The following LIMS1 variants were observed in gnomAD, a reference collection of about 807,000 sequenced individuals.
LIMS1 encodes the protein LIM zinc finger domain containing 1, also known as LIM and senescent cell antigen-like-containing domain protein 1.
LIMS1 carries 18 observed loss-of-function variants against 44.1 expected under a neutral mutation model. That is an observed-to-expected ratio of 0.41 (90% confidence interval 0.28 to 0.61). The LOEUF is 0.61. LIMS1 is among the 20% of genes least tolerant of loss of function. The pLI is 0.32. For missense variants in LIMS1, 201 were observed against 422.0 expected (o/e 0.48, Z 4.59); for synonymous variants, 93 against 149.1 (o/e 0.62, Z 2.74).
At chr2:108,604,164 T>G (rs1435795836) in intron 1 of LIMS1, among the ~76,000 whole-genome samples, 1 of 152,216 alleles carries the variant, frequency 6.6e-6, no homozygotes, top group Non-Finnish European at 1.5e-5. Context: ...TATTTATTTC[T>G]AGTTTTATTC....
intron 1 of LIMS1, among the ~76,000 whole-genome samples, chr2:108,579,915 A>C (rs1287214441): frequency 6.6e-6 from 1 of 152,240 alleles, no homozygotes; most frequent in African/African-American, 2.4e-5. Flanking sequence ...AAGAGGCACC[A>C]GGCCAGGAGG....
rs941554668 is a variant in LIMS1, at chr2:108,566,248, C to T, written c.32+31654C>T. On this transcript the variant is annotated intron_variant, in intron 1 of 9. Coordinates refer to ENST00000544547, the Ensembl canonical transcript of LIMS1. ...GTATTAAATGTGGTTCCTGGCATATCACGCAGAGCAGTGCAAGACTCAGTA... is the reference window on the plus strand; with the variant it reads ...GTATTAAATGTGGTTCCTGGCATATTACGCAGAGCAGTGCAAGACTCAGTA... Among the ~76,000 whole-genome samples the T allele has an allele frequency of 4.6e-5, 7 of 152,120 alleles. No individual in the cohort carries two copies. The South Asian group carries it at 1.5e-3, about 32-fold the overall frequency.
At chr2:108,680,427 C>T (rs1238917775) in intron 8 of LIMS1, among the ~76,000 whole-genome samples, 1 of 148,308 alleles carries the variant, frequency 6.7e-6, no homozygotes, top group African/African-American at 2.5e-5. Context: ...GTCCCAGCTA[C>T]TCAGGAGGCT....
At chr2:108,668,194 T>C (rs1255521570) in intron 2 of LIMS1, among the ~76,000 whole-genome samples, 1 of 152,348 alleles carries the variant, frequency 6.6e-6, no homozygotes, top group Admixed American at 6.5e-5. Context: ...ATAATTTCTT[T>C]GTCGTAAGAA....
At chr2:108,582,434 G>C (rs1685921810) in intron 1 of LIMS1, among the ~76,000 whole-genome samples, 1 of 152,164 alleles carries the variant, frequency 6.6e-6, no homozygotes, top group Non-Finnish European at 1.5e-5. Flanking sequence ...GAACCTAACT[G>C]TGTTTAGGTT....
intron 1 of LIMS1, among the ~76,000 whole-genome samples, chr2:108,595,823 T>TA (rs1573399397): frequency 6.6e-6 from 1 of 152,238 alleles, no homozygotes; most frequent in East Asian, 1.9e-4. Flanking sequence ...TTTATTGTGG[T>TA]AAAAAACACA....
At chr2:108,614,104 C>G (rs997635628) in intron 1 of LIMS1, among the ~76,000 whole-genome samples, 4 of 152,184 alleles carry the variant, frequency 2.6e-5, no homozygotes, top group Non-Finnish European at 5.9e-5. Context: ...ACCAGGCACC[C>G]TTCTGTGTTG....
intron 1 of LIMS1, among the ~76,000 whole-genome samples, chr2:108,566,244 A>G (rs780896203): frequency 6.6e-6 from 1 of 152,166 alleles, no homozygotes; most frequent in Non-Finnish European, 1.5e-5. Flanking sequence ...GGTTCCTGGC[A>G]TATCACGCAG....
intron 5 of LIMS1, among the ~76,000 whole-genome samples, 187 bp from the exon 6 acceptor site, chr2:108,675,691 G>C (rs1215369607): frequency 6.6e-6 from 1 of 152,128 alleles, no homozygotes; most frequent in Non-Finnish European, 1.5e-5. Context: ...CAGATGTTTT[G>C]GTAGGAGTCT....
At chr2:108,645,423 C>T (rs1324967910) in intron 1 of LIMS1, among the ~76,000 whole-genome samples, 1 of 152,078 alleles carries the variant, frequency 6.6e-6, no homozygotes, top group South Asian at 2.1e-4. Flanking sequence ...AAATAAAATC[C>T]GTCACAGACA....
Position 108,686,651 on chromosome 2 carries a change from T to C in LIMS1, c.*2652T>C, listed in dbSNP as rs377196072. 134 of 150,376 alleles carry C rather than the reference T, an allele frequency of 8.9e-4. No homozygotes were observed. The East Asian group carries it at 0.013, about 14-fold the overall frequency. The allele number at this position is 150,376 out of a possible 1,614,324, so 9.3% of individuals were successfully genotyped here. The stretch of plus-strand genomic sequence containing the variant: ...ATTAGCCAGGCGTGGTGGCGGGCGC[T>C]TGTAGTCCCAGCTACTCGGGAGGCT... On this transcript the variant is annotated 3_prime_UTR_variant, in exon 10 of 10. Coordinates refer to ENST00000544547, the Ensembl canonical transcript of LIMS1.
At chr2:108,629,571 G>A (rs962739000) in intron 1 of LIMS1, among the ~76,000 whole-genome samples, 1 of 152,198 alleles carries the variant, frequency 6.6e-6, no homozygotes, top group Non-Finnish European at 1.5e-5. Context: ...GGTGTGGGTG[G>A]TTACTGTGTT....
At chr2:108,582,154 T>G (rs142918603) in intron 1 of LIMS1, among the ~76,000 whole-genome samples, 1 of 152,378 alleles carries the variant, frequency 6.6e-6, no homozygotes, top group Non-Finnish European at 1.5e-5. Flanking sequence ...CCTTAGGTAC[T>G]TCAGTGAGTA....
chr2:108,595,890 C>G (rs1369147136), intron 1 of LIMS1, among the ~76,000 whole-genome samples: 1 of 152,118 alleles, frequency 6.6e-6, no homozygotes, highest in Non-Finnish European at 1.5e-5. Context: ...GTTAAGTACA[C>G]AAGAAGTTGC....
chr2:108,654,560 C>G (rs1338944395), intron 1 of LIMS1, among the ~76,000 whole-genome samples: 1 of 151,944 alleles, frequency 6.6e-6, no homozygotes, highest in African/African-American at 2.4e-5. Context: ...AAGCCCAGGT[C>G]CAGGCAGGGT....
chr2:108,608,622 AT>A (rs1687412517), intron 1 of LIMS1, among the ~76,000 whole-genome samples: 2 of 152,120 alleles, frequency 1.3e-5, no homozygotes, highest in South Asian at 4.1e-4. Flanking sequence ...TTTTTAAAAC[AT>A]TTATTTGTGT....
At chr2:108,642,755 G>C (rs1558824431) in intron 1 of LIMS1, among the ~76,000 whole-genome samples, 1 of 152,184 alleles carries the variant, frequency 6.6e-6, no homozygotes, top group African/African-American at 2.4e-5. Flanking sequence ...GCTGAAAATA[G>C]CTATAATTTT....
chr2:108,557,368 C>A (rs192641780), intron 1 of LIMS1, among the ~76,000 whole-genome samples: 1 of 151,992 alleles, frequency 6.6e-6, no homozygotes, highest in East Asian at 1.9e-4. Context: ...TGAGCCAACA[C>A]GCCCAGCCTT....
chr2:108,590,159 A>G (rs1686308386), intron 1 of LIMS1, among the ~76,000 whole-genome samples: 1 of 152,240 alleles, frequency 6.6e-6, no homozygotes, highest in South Asian at 2.1e-4. Context: ...AAAAGCATTG[A>G]TTTTACAGTT....
Sources: gnomAD v4.1 joint callset for allele counts (sites outside exome capture counted in the v4.1 genomes callset) on GRCh38, gnomAD v4.1.1 for gene constraint, MANE v1.5 for transcripts, NCBI Gene and HGNC (gene_info 2026-07-23, HGNC 2026-07-21) for gene names.